SLC39A6: variants seen among roughly 807,000 people sequenced by gnomAD.
SLC39A6 encodes zinc transporter ZIP6.
A neutral mutation model predicts 63.5 loss-of-function variants in SLC39A6; 51 were observed. That is an observed-to-expected ratio of 0.80 (90% CI 0.64 to 1.01). The LOEUF is 1.01. Ranked by LOEUF, SLC39A6 falls within the 50% of genes least tolerant of loss-of-function variation. The pLI is 0.00. For missense variants in SLC39A6, 805 were observed against 927.8 expected (o/e 0.87, Z 1.72); for synonymous variants, 318 against 324.7 (o/e 0.98, Z 0.22).
intron 1 of SLC39A6, among the ~76,000 whole-genome samples, chr18:36,128,627 G>C (rs375421429): frequency 1.3e-5 from 2 of 152,202 alleles, no homozygotes; most frequent in South Asian, 4.2e-4. Flanking sequence ...GGGGTGGGAG[G>C]GGACTAGCAC....
At chr18:36,113,075 T>C (rs976839369) in intron 7 of SLC39A6, among the ~76,000 whole-genome samples, 1 of 151,422 alleles carries the variant, frequency 6.6e-6, no homozygotes, top group African/African-American at 2.4e-5. Flanking sequence ...ATCAATCAAT[T>C]ATAAACCATG....
At position 36,116,702 on chromosome 18, in the gene SLC39A6, T is replaced by C. The variant is rs747991183; in HGVS notation, c.1437A>G (p.Thr479=). The change falls in exon 6 of 10, where the codon ACA becomes ACG. Residue 479 remains threonine, a synonymous_variant. Coordinates refer to ENST00000269187, the MANE Select transcript of SLC39A6 (RefSeq NM_012319.4). ...CATCTGTATCTACTTTCTCCTCATTTGTTGAAAGTTGAGATTCATACTTGG... is the reference window on the plus strand; with the variant it reads ...CATCTGTATCTACTTTCTCCTCATTCGTTGAAAGTTGAGATTCATACTTGG... ...QLSKYESQLS[T]NEEKVDTDDR... is the part of the protein sequence containing the mutation. 8.1e-6 allele frequency: 13 copies of C among 1,611,826 alleles called. No homozygotes were observed. The African/African-American group carries it at 1.7e-4, about 22-fold the overall frequency.
Position 36,123,496 on chromosome 18 carries a change from T to G in SLC39A6, c.1139A>C (p.His380Pro), listed in dbSNP as rs1478027788. The change falls in exon 4 of 10, where the codon CAT becomes CCT. Residue 380 changes from histidine (H) to proline (P), a missense_variant and splice_region_variant. Physicochemically the swap from His to Pro is moderately conservative, Grantham distance 77. This residue lies in a region of SLC39A6 where 639 missense variants were observed against 644.0 expected (regional missense o/e 0.99). Transcript: ENST00000269187. ...AACAGGACAAATTACTATACTTACA[T>G]GTGGAAGAAGGTGTAAAAAAGCATC... Reference protein sequence around the residue: ...SGDAFLHLLPHSHASHHHSHS... With the variant: ...SGDAFLHLLPPSHASHHHSHS... 6.2e-7 allele frequency: 1 copy of G among 1,606,806 alleles called. No individual in the cohort carries two copies. Among genetic ancestry groups the G allele is most frequent in the African/African-American group, 1.3e-5 (1 of 74,328 alleles).
At chr18:36,128,377 G>C (rs543279170) in intron 1 of SLC39A6, among the ~76,000 whole-genome samples, 7 of 152,244 alleles carry the variant, frequency 4.6e-5, no homozygotes, top group African/African-American at 1.7e-4. Flanking sequence ...TAAAATACCG[G>C]TAAAACCTAT....
intron 9 of SLC39A6, among the ~76,000 whole-genome samples, chr18:36,110,536 T>A (rs940191621): frequency 4.0e-5 from 6 of 151,472 alleles, no homozygotes; most frequent in African/African-American, 4.8e-5. Flanking sequence ...AAATCTTTTT[T>A]AAAAAAATGA....
At chr18:36,109,835 T>C in intron 9 of SLC39A6, 90 bp from the exon 10 acceptor site, 1 of 973,794 alleles carries the variant, frequency 1.0e-6, no homozygotes, top group Middle Eastern at 2.2e-4. Context: ...GACAGTATAC[T>C]AGCTTTATTT....
At chr18:36,114,950 AT>A (rs1488540530) in intron 6 of SLC39A6, among the ~76,000 whole-genome samples, 1 of 152,228 alleles carries the variant, frequency 6.6e-6, no homozygotes, top group Non-Finnish European at 1.5e-5. Context: ...AAAACAGAGA[AT>A]CCGAATTATT....
At chr18:36,118,229 T>G (rs719147) in intron 5 of SLC39A6, among the ~76,000 whole-genome samples, 45,894 of 152,070 alleles carry the variant, frequency 0.3, 7,305 homozygotes, top group Middle Eastern at 0.46. Context: ...TCCATAAGTA[T>G]TAAGGGCCCA....
Position 36,126,855 on chromosome 18 carries a change from G to A in SLC39A6, c.153C>T (p.Ser51=). 1 of 1,614,158 alleles carries A rather than the reference G, an allele frequency of 6.2e-7. No homozygotes were observed. Among genetic ancestry groups the A allele is most frequent in the Non-Finnish European group, 8.5e-7 (1 of 1,180,040 alleles). ...GCTGTTGTAGATGATATTGCCGTGT[G>A]GAAATTGCCAAGTCAACATTAATGC... is the stretch of plus-strand genomic sequence containing the variant. ...ESGINVDLAI[S]TRQYHLQQLF... The change falls in exon 2 of 10, where the codon TCC becomes TCT. Residue 51 remains serine (S), a synonymous_variant. Coordinates refer to ENST00000269187, the MANE Select transcript of SLC39A6 (RefSeq NM_012319.4).
rs1345031823 is a variant in SLC39A6, at chr18:36,112,455, G to C, written c.1924+46C>G. ...CCATTAGCAAAAGCCAGTGACACTA[G>C]AACATTTCACCCACTTGGCAAATAC... is the stretch of plus-strand genomic sequence containing the variant. On this transcript the variant is annotated intron_variant, in intron 8 of 9. Coordinates refer to ENST00000269187, the MANE Select transcript of SLC39A6 (RefSeq NM_012319.4). 6 of 1,401,200 alleles carry C rather than the reference G, an allele frequency of 4.3e-6. No homozygotes were observed. The Admixed American group carries it at 8.7e-5, about 20-fold the overall frequency. The allele number at this position is 1,401,200 out of a possible 1,614,324, so 86.8% of individuals were successfully genotyped here. A position where few individuals can be genotyped will look rare whatever the true frequency, so the allele number is the denominator to read the frequency against.
chr18:36,124,455 C>T (rs2089418855), intron 3 of SLC39A6, 65 bp downstream of exon 3: 2 of 1,058,230 alleles, frequency 1.9e-6, no homozygotes, highest in Non-Finnish European at 2.7e-6. Flanking sequence ...TGATGCAAAT[C>T]TAAGGAAAAG....
At position 36,126,549 on chromosome 18, in the gene SLC39A6, A is replaced by G; in HGVS notation, c.459T>C (p.Ser153=). The G allele has an allele frequency of 6.2e-7, 1 of 1,614,178 alleles. No homozygotes were observed. The highest frequency in any genetic ancestry group is 8.5e-7 in the Non-Finnish European group (1 of 1,180,032). Residue 153 remains serine, a synonymous_variant, in exon 2 of 10, where the codon AGT becomes AGC. Coordinates refer to ENST00000269187, the MANE Select transcript of SLC39A6 (RefSeq NM_012319.4). ...KALCPDHDSD[S]SGKDPRNSQG... is the part of the protein sequence containing the mutation. Reference sequence around the variant, plus strand: ...GGCTGTTTCTAGGATCTTTACCTGAACTATCTGAGTCATGGTCTGGGCAAA... The same window carrying G: ...GGCTGTTTCTAGGATCTTTACCTGAGCTATCTGAGTCATGGTCTGGGCAAA...
intron 5 of SLC39A6, among the ~76,000 whole-genome samples, 190 bp from the exon 6 acceptor site, chr18:36,116,969 CG>C (rs1483783074): frequency 6.6e-6 from 1 of 152,122 alleles, no homozygotes; most frequent in Non-Finnish European, 1.5e-5. Context: ...CCAGGCGCGG[CG>C]GCTCACGCCT....
In SLC39A6 at chr18:36,109,717, C is replaced by A. The variant is rs2089286157; in HGVS notation, c.2144G>T (p.Ser715Ile). 6.2e-7 allele frequency: 1 copy of A among 1,612,142 alleles called. No homozygotes were observed. Among genetic ancestry groups the A allele is most frequent in the Non-Finnish European group, 8.5e-7 (1 of 1,179,062 alleles). ...CCCCCAGCGGCTACATCCATGGTCACTAGCATCATTGTGCAGCATTTCAGG... is the reference window on the plus strand; with the variant it reads ...CCCCCAGCGGCTACATCCATGGTCAATAGCATCATTGTGCAGCATTTCAGG... The part of the protein sequence containing the change: ...MVPEMLHNDA[S>I]DHGCSRWGYF... The change falls in exon 10 of 10, where the codon AGT becomes ATT. Residue 715 changes from serine (S) to isoleucine (I), a missense_variant. Around this residue, in one of 4 missense-constraint regions of SLC39A6, gnomAD observed 145 missense variants for 227.2 expected, o/e 0.64. Coordinates refer to ENST00000269187, the MANE Select transcript of SLC39A6 (RefSeq NM_012319.4).
chr18:36,123,975 G>A (rs1243610384), intron 3 of SLC39A6, among the ~76,000 whole-genome samples: 1 of 151,892 alleles, frequency 6.6e-6, no homozygotes, highest in Non-Finnish European at 1.5e-5. Flanking sequence ...GCTCACTTAG[G>A]AACTGAGCTT....
chr18:36,111,205 C>A lies in SLC39A6; in HGVS notation c.1969G>T (p.Ala657Ser). 1.2e-6 allele frequency: 2 copies of A among 1,614,160 alleles called. No homozygotes were observed. The highest frequency in any genetic ancestry group is 1.7e-6 in the Non-Finnish European group (2 of 1,179,984). The change falls in exon 9 of 10, where the codon GCT (alanine) becomes TCT (serine). Residue 657 changes from alanine to serine, a missense_variant. Transcript: ENST00000269187. ...LLKAGMTVKQ[A>S]VLYNALSAML... ...GCTGACAATGCATTATAAAGGACAGCCTGCTTAACGGTCATGCCAGCCTTT... is the reference window on the plus strand; with the variant it reads ...GCTGACAATGCATTATAAAGGACAGACTGCTTAACGGTCATGCCAGCCTTT...
chr18:36,118,014 G>C (rs537797598), intron 5 of SLC39A6, among the ~76,000 whole-genome samples: 19 of 148,586 alleles, frequency 1.3e-4, no homozygotes, highest in African/African-American at 3.5e-4. Context: ...CGGGGCGACA[G>C]AGTGAGACTC....
chr18:36,120,039 C>T (rs1293560090), intron 5 of SLC39A6, among the ~76,000 whole-genome samples: 9 of 152,094 alleles, frequency 5.9e-5, no homozygotes, highest in Admixed American at 5.2e-4. Flanking sequence ...ATCCCCAAGT[C>T]TCCCAGAATG....
intron 2 of SLC39A6, among the ~76,000 whole-genome samples, chr18:36,125,210 A>G (rs1305780393): frequency 6.6e-6 from 1 of 152,166 alleles, no homozygotes; most frequent in East Asian, 1.9e-4. Context: ...ATATTAAATT[A>G]TGCAGATTAT....
Sources: allele counts gnomAD v4.1 joint callset (sites outside exome capture counted in the v4.1 genomes callset), GRCh38; gene constraint gnomAD v4.1.1; regional missense constraint gnomAD v4.1.1; transcripts MANE v1.5; gene names NCBI Gene and HGNC (gene_info 2026-07-23, HGNC 2026-07-21).